Variants in ARHGAP4 observed in about 807,000 individuals in gnomAD.
ARHGAP4 encodes Rho GTPase activating protein 4.
Under a neutral mutation model 67.6 loss-of-function variants are expected in ARHGAP4, and 25 were observed. The observed-to-expected ratio is 0.37, with a 90% CI of 0.27 to 0.52. ARHGAP4 has a LOEUF of 0.52. ARHGAP4 is among the 20% of genes least tolerant of loss of function. ARHGAP4 has a pLI of 0.92. For synonymous variants in ARHGAP4, 448 were observed against 373.7 expected, an observed-to-expected ratio of 1.20 and a Z score of -2.29; for missense variants, 804 against 854.6, an observed-to-expected ratio of 0.94 and a Z score of 0.74.
rs782622025 is a variant in ARHGAP4 at position 153,907,831 on chromosome X, G to A, written c.2739C>T (p.Ser913=). 12 of 1,011,412 alleles carry A rather than the reference G, an allele frequency of 1.2e-5. No individual in the cohort carries two copies. The Middle Eastern group carries it at 1.7e-3, about 144-fold the overall frequency. The allele number at this position is 1,011,412 out of a possible 1,213,427, so 83.4% of individuals were successfully genotyped here. ...AGAAGCCTTTGTTCCTGCCCAGGCG[G>A]CTGCTGGGCGGGGCCTTTGGGCTTC... The part of the protein sequence containing the change: ...GPRSPKAPPS[S]RLGRNKGFSR... Residue 913 remains serine, a synonymous_variant, in exon 22 of 22, where the codon AGC becomes AGT. Transcript: ENST00000350060.
At chrX:153,919,525 C>T (rs782149010) in intron 5 of ARHGAP4, 82 of 1,137,709 alleles carry the variant, frequency 7.2e-5, no homozygotes, top group Non-Finnish European at 7.7e-5. Context: ...CCACAACATT[C>T]CCCACAGAAG....
intron 12 of ARHGAP4, among the ~76,000 whole-genome samples, 160 bp downstream of exon 12, chrX:153,912,540 A>G (rs1432866575): frequency 8.9e-6 from 1 of 112,170 alleles, no homozygotes; most frequent in Non-Finnish European, 1.9e-5. Context: ...GGGGAGCCCA[A>G]CAGTGGCCTG....
In ARHGAP4 at chrX:153,910,621, A is replaced by T. The variant is rs782412045; in HGVS notation, c.1817-10T>A. The T allele has an allele frequency of 1.7e-6, 2 of 1,199,018 alleles. No homozygotes were observed. The highest frequency in any genetic ancestry group is 2.2e-6 in the Non-Finnish European group (2 of 889,284). ...GCTGTGGCCTCCAGCTCTGTGGCCA[A>T]AGCCGCCCAGAGAGAGCCGCGTGAG... On this transcript the variant is annotated splice_polypyrimidine_tract_variant and intron_variant, in intron 15 of 21. Coordinates refer to ENST00000350060, the MANE Select transcript of ARHGAP4 (RefSeq NM_001666.5).
chrX:153,917,508 C>A (rs1306073981), intron 7 of ARHGAP4, among the ~76,000 whole-genome samples: 1 of 112,217 alleles, frequency 8.9e-6, no homozygotes, highest in East Asian at 2.8e-4. Flanking sequence ...GTAATCCCAG[C>A]ACTTTGGGAG....
chrX:153,911,674 G>A (rs1436241554), intron 12 of ARHGAP4, among the ~76,000 whole-genome samples: 1 of 112,139 alleles, frequency 8.9e-6, no homozygotes, highest in African/African-American at 3.2e-5. Context: ...CACTTTGGGA[G>A]GCCAAGGGAG....
Position 153,913,264 on chromosome X carries a change from G to A in ARHGAP4, c.1365C>T (p.Ala455=), listed in dbSNP as rs782392026. Residue 455 remains alanine (A), a synonymous_variant, in exon 10 of 22, where the codon GCC becomes GCT. Transcript: ENST00000350060. ...GCTTCTCGTGCTTGGCCTGCAGCTT[G>A]GCGAGGATGCTCCGTCCACTCAGAT... ...QEYLSGRSIL[A]KLQAKHEKLQ... The A allele has an allele frequency of 5.1e-6, 6 of 1,173,097 alleles. No homozygotes were observed. The highest frequency in any genetic ancestry group is 6.8e-6 in the Non-Finnish European group (6 of 876,017).
intron 12 of ARHGAP4, among the ~76,000 whole-genome samples, 181 bp downstream of exon 12, chrX:153,912,519 C>T (rs782490144): frequency 1.8e-5 from 2 of 112,245 alleles, no homozygotes; most frequent in East Asian, 5.6e-4. Context: ...CTTCAATCAG[C>T]GGAGGCTATA....
intron 5 of ARHGAP4, chrX:153,920,303 C>T (rs1462939326): frequency 2.1e-5 from 6 of 281,028 alleles, no homozygotes; most frequent in Non-Finnish European, 3.8e-5. Context: ...GCCCTTTCTC[C>T]GTGCGTGTCA....
intron 4 of ARHGAP4, 137 bp downstream of exon 4, chrX:153,920,960 G>GT: frequency 9.9e-7 from 1 of 1,005,255 alleles, no homozygotes; most frequent in Non-Finnish European, 1.4e-6. Context: ...AGGGAGAGAG[G>GT]CCTTTGCCCC....
chrX:153,917,341 C>T (rs1287320561), intron 7 of ARHGAP4, among the ~76,000 whole-genome samples: 2 of 112,001 alleles, frequency 1.8e-5, no homozygotes, highest in African/African-American at 3.2e-5. Context: ...ACCCAGGAGG[C>T]GAAGTTTGCA....
At chrX:153,915,371 G>A (rs1276509420) in intron 7 of ARHGAP4, among the ~76,000 whole-genome samples, 2 of 112,034 alleles carry the variant, frequency 1.8e-5, no homozygotes, top group Admixed American at 9.5e-5. Context: ...AATGGTGAAC[G>A]TGGTATGTTT....
At chrX:153,922,189 T>A (rs1239375290) in intron 1 of ARHGAP4, 12 of 851,492 alleles carry the variant, frequency 1.4e-5, no homozygotes, top group African/African-American at 4.3e-5. Flanking sequence ...CCCCTGCGAC[T>A]TCCTTTCCCG....
At chrX:153,922,962 AG>A (rs1400015602) in intron 1 of ARHGAP4, among the ~76,000 whole-genome samples, 1 of 110,819 alleles carries the variant, frequency 9.0e-6, no homozygotes, top group African/African-American at 3.3e-5. Context: ...GGGGACAGGG[AG>A]GACCTCTTTT....
intron 1 of ARHGAP4, chrX:153,922,010 T>C: frequency 1.2e-6 from 1 of 860,885 alleles, no homozygotes; most frequent in South Asian, 2.8e-5. Flanking sequence ...TGGCCTCAGC[T>C]GTCCAGCCGA....
At chrX:153,923,860 C>T (rs1557105751) in intron 1 of ARHGAP4, among the ~76,000 whole-genome samples, 1 of 111,801 alleles carries the variant, frequency 8.9e-6, no homozygotes. Context: ...TCACTGCAAC[C>T]TCCGCCTCCC....
intron 12 of ARHGAP4, among the ~76,000 whole-genome samples, chrX:153,911,838 A>T (rs987296610): frequency 1.0e-4 from 11 of 109,462 alleles, no homozygotes; most frequent in African/African-American, 3.6e-4. Flanking sequence ...AGCAGGTGGG[A>T]GGTGAAGGTT....
Position 153,907,651 on chromosome X carries a change from G to A in ARHGAP4, c.*78C>T, listed in dbSNP as rs1178136210. ...ACCCTGCACTTGCTGGACAGGGCTG[G>A]AGAGAAGCAAGGGGGCTGGGGAGAG... is the stretch of plus-strand genomic sequence containing the variant. On this transcript the variant is annotated 3_prime_UTR_variant, in exon 22 of 22. Coordinates refer to ENST00000350060, the MANE Select transcript of ARHGAP4 (RefSeq NM_001666.5). 14 of 479,240 alleles carry A rather than the reference G, an allele frequency of 2.9e-5. No homozygotes were observed. Among genetic ancestry groups the A allele is most frequent in the Non-Finnish European group, 4.4e-5 (14 of 315,496 alleles). The allele number at this position is 479,240 out of a possible 1,213,427, so 39.5% of individuals were successfully genotyped here.
Position 153,907,905 on chromosome X carries a change from G to A in ARHGAP4, c.2665C>T (p.Arg889Cys), listed in dbSNP as rs371985677. 3.1e-5 allele frequency: 33 copies of A among 1,063,953 alleles called. No individual in the cohort carries two copies. The African/African-American group carries it at 4.1e-4, about 13-fold the overall frequency. The allele number at this position is 1,063,953 out of a possible 1,213,427, so 87.7% of individuals were successfully genotyped here. ...GTAGATGCTGGCCCAAGGCCCTGGCGGACAGAGGTCTTTCCCAAGAGCTCC... is the reference window on the plus strand; with the variant it reads ...GTAGATGCTGGCCCAAGGCCCTGGCAGACAGAGGTCTTTCCCAAGAGCTCC... ...FKELLGKTSV[R>C]QGLGPASTTS... Residue 889 changes from arginine to cysteine, a missense_variant, in exon 22 of 22, where the codon CGC becomes TGC. By Grantham distance (180) the Arg-to-Cys change is radical (BLOSUM62 -3). Transcript: ENST00000350060.
intron 7 of ARHGAP4, among the ~76,000 whole-genome samples, chrX:153,917,191 G>A (rs1405801771): frequency 9.0e-6 from 1 of 110,809 alleles, no homozygotes; most frequent in African/African-American, 3.3e-5. Flanking sequence ...ACTCTAGCCT[G>A]GGCGACAGAG....
Sources: gnomAD v4.1 joint callset for allele counts (sites outside exome capture counted in the v4.1 genomes callset) on GRCh38, gnomAD v4.1.1 for gene constraint, MANE v1.5 for transcripts, NCBI Gene and HGNC (gene_info 2026-07-23, HGNC 2026-07-21) for gene names.